The following ADAMTSL1 variants were observed in gnomAD, a reference collection of about 807,000 sequenced individuals.
ADAMTSL1 encodes the protein ADAMTS like 1, also known as ADAMTS-like protein 1.
A neutral mutation model predicts 201.8 loss-of-function variants in ADAMTSL1; 126 were observed. The observed-to-expected ratio is 0.62, with a 90% CI of 0.54 to 0.72. The LOEUF is 0.72. Among genes scored for constraint, ADAMTSL1 ranks in the 30% least tolerant of loss-of-function variants. The pLI is 0.00. For missense variants in ADAMTSL1, 2,679 were observed against 2,277.8 expected (o/e 1.18, Z -3.59); for synonymous variants, 1,121 against 903.4 (o/e 1.24, Z -4.32).
intron 23 of ADAMTSL1, among the ~76,000 whole-genome samples, chr9:18,840,022 A>G (rs1825609698): frequency 6.7e-6 from 1 of 149,958 alleles, no homozygotes; most frequent in Non-Finnish European, 1.5e-5. Context: ...TTTGCTGTGC[A>G]GAAGCTCTTT....
At chr9:18,758,858 A>G (rs1819912847) in intron 16 of ADAMTSL1, among the ~76,000 whole-genome samples, 1 of 152,192 alleles carries the variant, frequency 6.6e-6, no homozygotes, top group African/African-American at 2.4e-5. Flanking sequence ...CTTAGTCCCC[A>G]CTAGCACAAG....
intron 4 of ADAMTSL1, among the ~76,000 whole-genome samples, chr9:18,597,618 TTGTTTAAAAAA>T (rs1824354617): frequency 6.6e-6 from 1 of 152,230 alleles, no homozygotes; most frequent in East Asian, 1.9e-4. Flanking sequence ...CTTCATGTAA[TTGTTTAAAAAA>T]TGTTAAAAAT....
intron 2 of ADAMTSL1, among the ~76,000 whole-genome samples, chr9:18,241,522 A>C (rs1369197636): frequency 6.6e-6 from 1 of 152,142 alleles, no homozygotes; most frequent in Non-Finnish European, 1.5e-5. Context: ...AGTAGACTAA[A>C]ACAGCCAAAA....
chr9:18,002,349 G>T (rs1365470156), intron 1 of ADAMTSL1, among the ~76,000 whole-genome samples: 1 of 151,946 alleles, frequency 6.6e-6, no homozygotes, highest in South Asian at 2.1e-4. Flanking sequence ...CCACAATATT[G>T]CTAGGTGACC....
chr9:18,594,594 C>G (rs968532189), intron 4 of ADAMTSL1, among the ~76,000 whole-genome samples: 2 of 152,156 alleles, frequency 1.3e-5, no homozygotes, highest in African/African-American at 4.8e-5. Context: ...ATTAATCCAG[C>G]TGTTTATGCT....
At chr9:18,487,746 T>C (rs1832747) in intron 1 of ADAMTSL1, among the ~76,000 whole-genome samples, 57,168 of 152,024 alleles carry the variant, frequency 0.38, 11,678 homozygotes, top group East Asian at 0.5. Flanking sequence ...ACAAATCTTA[T>C]TGAAATATGC....
intron 2 of ADAMTSL1, among the ~76,000 whole-genome samples, chr9:18,453,762 A>G (rs992498103): frequency 5.9e-5 from 9 of 152,176 alleles, no homozygotes; most frequent in African/African-American, 1.9e-4. Context: ...TTGATTAGGA[A>G]TATGAAATGC....
chr9:18,000,988 T>C (rs553339977), intron 1 of ADAMTSL1, among the ~76,000 whole-genome samples: 42 of 152,124 alleles, frequency 2.8e-4, no homozygotes, highest in African/African-American at 8.7e-4. Context: ...GGAACCTGGA[T>C]TGACAATCCC....
intron 19 of ADAMTSL1, among the ~76,000 whole-genome samples, chr9:18,783,391 C>G (rs1821517131): frequency 6.6e-6 from 1 of 152,154 alleles, no homozygotes; most frequent in South Asian, 2.1e-4. Flanking sequence ...CCTCCCCTAC[C>G]ATTAGAAACT....
chr9:18,544,662 C>A (rs1820366182), intron 3 of ADAMTSL1, among the ~76,000 whole-genome samples: 2 of 152,328 alleles, frequency 1.3e-5, no homozygotes, highest in African/African-American at 4.8e-5. Context: ...GACTGACAAG[C>A]AATCACCTAT....
chr9:18,546,569 C>A (rs1480488040), intron 3 of ADAMTSL1, among the ~76,000 whole-genome samples: 1 of 152,088 alleles, frequency 6.6e-6, no homozygotes, highest in Non-Finnish European at 1.5e-5. Context: ...ATTCCTTCCC[C>A]AAATAGAAAT....
intron 25 of ADAMTSL1, 100 bp downstream of exon 25, chr9:18,889,848 G>T: frequency 2.5e-6 from 3 of 1,209,968 alleles, no homozygotes; most frequent in Non-Finnish European, 1.1e-6. Flanking sequence ...TGTGCAGGGA[G>T]AGATGCCAGC....
chr9:18,029,532 C>A (rs983127057), intron 1 of ADAMTSL1, among the ~76,000 whole-genome samples: 1 of 152,076 alleles, frequency 6.6e-6, no homozygotes, highest in South Asian at 2.1e-4. Context: ...GCAACAAAAG[C>A]CAGAATTGAC....
chr9:18,123,730 C>T (rs1046507015), intron 1 of ADAMTSL1, among the ~76,000 whole-genome samples: 2 of 152,130 alleles, frequency 1.3e-5, no homozygotes, highest in Non-Finnish European at 2.9e-5. Flanking sequence ...TGCTGTCACC[C>T]CAGGAAGCGT....
At chr9:18,191,957 G>C (rs979206655) in intron 2 of ADAMTSL1, among the ~76,000 whole-genome samples, 1 of 152,076 alleles carries the variant, frequency 6.6e-6, no homozygotes, top group Non-Finnish European at 1.5e-5. Context: ...TTGTGTAACT[G>C]GCCCTCTGAT....
At chr9:18,828,697 A>ATATATATATATTG (rs1824776656) in intron 22 of ADAMTSL1, among the ~76,000 whole-genome samples, 1 of 42,526 alleles carries the variant, frequency 2.4e-5, no homozygotes, top group African/African-American at 7.5e-5. Context: ...TATATATAAA[A>ATATATATATATTG]TGTGTGTGTG....
intron 9 of ADAMTSL1, among the ~76,000 whole-genome samples, chr9:18,665,795 C>G (rs1829393985): frequency 6.6e-6 from 1 of 152,068 alleles, no homozygotes; most frequent in South Asian, 2.1e-4. Flanking sequence ...TTGTTGACAT[C>G]TCGCCTATAC....
intron 23 of ADAMTSL1, among the ~76,000 whole-genome samples, chr9:18,871,992 G>C (rs1827895544): frequency 6.6e-6 from 1 of 152,064 alleles, no homozygotes; most frequent in Admixed American, 6.6e-5. Flanking sequence ...CCACAATGCT[G>C]GCTGTATCTA....
chr9:18,661,192 C>CT (rs1182275333), intron 8 of ADAMTSL1, among the ~76,000 whole-genome samples: 6 of 152,036 alleles, frequency 3.9e-5, no homozygotes, highest in South Asian at 2.1e-4. Flanking sequence ...CTCAACAATA[C>CT]TTTTTTTAAG....
Sources: gnomAD v4.1 joint callset for allele counts (sites outside exome capture counted in the v4.1 genomes callset) on GRCh38, gnomAD v4.1.1 for gene constraint, MANE v1.5 for transcripts, NCBI Gene and HGNC (gene_info 2026-07-23, HGNC 2026-07-21) for gene names.